Variants in COL14A1 observed in about 807,000 individuals in gnomAD.
COL14A1 encodes collagen alpha-1(XIV) chain.
In COL14A1, 136 loss-of-function variants were observed where a neutral mutation model predicts 230.3. That is an observed-to-expected ratio of 0.59 (90% CI 0.51 to 0.68). COL14A1 has a LOEUF of 0.68. COL14A1 is among the 30% of genes least tolerant of loss of function. COL14A1 has a pLI of 0.00. For synonymous variants in COL14A1, 792 were observed against 784.1 expected, an observed-to-expected ratio of 1.01 and a Z score of -0.17; for missense variants, 1,976 against 2,215.8, an observed-to-expected ratio of 0.89 and a Z score of 2.17.
chr8:120,126,049 G>A (rs533802643), intron 1 of COL14A1, among the ~76,000 whole-genome samples: 72 of 152,298 alleles, frequency 4.7e-4, no homozygotes, highest in African/African-American at 1.6e-3. Flanking sequence ...GAGAGGCACC[G>A]CCAGGTTGTA....
Position 120,280,721 on chromosome 8 carries a change from G to T in COL14A1, c.3657G>T (p.Val1219=). ...TGTTTGGTTTTCCAGCCTGTCCAGTGGTACACAAGGATGGCATTGATCTTG... is the reference window on the plus strand; with the variant it reads ...TGTTTGGTTTTCCAGCCTGTCCAGTTGTACACAAGGATGGCATTGATCTTG... ...VCETASATCP[V]VHKDGIDLAG... is the part of the protein sequence containing the mutation. Residue 1219 remains valine, a synonymous_variant, in exon 30 of 48, where the codon GTG becomes GTT. Transcript: ENST00000297848. 1 of 1,613,188 alleles carries T rather than the reference G, an allele frequency of 6.2e-7. No homozygotes were observed. The highest frequency in any genetic ancestry group is 8.5e-7 in the Non-Finnish European group (1 of 1,179,680).
intron 19 of COL14A1, among the ~76,000 whole-genome samples, chr8:120,239,963 A>C (rs1818564821): frequency 6.6e-6 from 1 of 152,170 alleles, no homozygotes; most frequent in South Asian, 2.1e-4. Flanking sequence ...TAAGCTATGC[A>C]AGGTAAAATA....
chr8:120,279,968 C>A lies in COL14A1; in HGVS notation c.3515C>A (p.Ala1172Glu). 1 of 1,613,716 alleles carries A rather than the reference C, an allele frequency of 6.2e-7. No homozygotes were observed. The highest frequency in any genetic ancestry group is 1.1e-5 in the South Asian group (1 of 91,064). The change falls in exon 29 of 48, where the codon GCA (alanine) becomes GAA (glutamate). Residue 1172 changes from alanine (A) to glutamate (E), a missense_variant. Physicochemically the swap from Ala to Glu is moderately radical, Grantham distance 107 (BLOSUM62 -1). Coordinates refer to ENST00000297848, the MANE Select transcript of COL14A1 (RefSeq NM_021110.4). ...YSIFAIGVAD[A>E]DYSELVSIGS... ...ATTTTTGCAATTGGTGTGGCCGATGCAGATTACTCGGAGTTGGTTAGCATT... is the reference window on the plus strand; with the variant it reads ...ATTTTTGCAATTGGTGTGGCCGATGAAGATTACTCGGAGTTGGTTAGCATT...
rs77970140 is a variant in COL14A1 at position 120,166,755 on chromosome 8, A to G, written c.350-1406A>G. ...GAGAGACACAAGGCAACCTTAGTAT[A>G]TGATTGTGTTTCGTGAATAGTAATA... is the stretch of plus-strand genomic sequence containing the variant. On this transcript the variant is annotated intron_variant, in intron 4 of 47. Coordinates refer to ENST00000297848, the MANE Select transcript of COL14A1 (RefSeq NM_021110.4). Among the ~76,000 whole-genome samples, 2,285 of 152,270 alleles carry G rather than the reference A, an allele frequency of 0.015. 157 individuals carry two copies. The South Asian group carries it at 0.18, about 12-fold the overall frequency.
At chr8:120,263,754 C>T (rs147079965) in intron 24 of COL14A1, among the ~76,000 whole-genome samples, 6 of 152,100 alleles carry the variant, frequency 3.9e-5, no homozygotes, top group Admixed American at 3.3e-4. Context: ...CTTGGTGACC[C>T]GTCTATCATG....
At chr8:120,130,643 A>C (rs1814497987) in intron 1 of COL14A1, among the ~76,000 whole-genome samples, 1 of 152,260 alleles carries the variant, frequency 6.6e-6, no homozygotes, top group African/African-American at 2.4e-5. Flanking sequence ...TAACTTGGAG[A>C]AAATTAAAAG....
intron 26 of COL14A1, among the ~76,000 whole-genome samples, chr8:120,273,361 A>T (rs1265533169): frequency 1.3e-5 from 2 of 151,788 alleles, no homozygotes; most frequent in African/African-American, 4.8e-5. Flanking sequence ...CAAATTGGCA[A>T]CCTAATGTCA....
chr8:120,147,967 C>A, intron 2 of COL14A1, 37 bp downstream of exon 2: 2 of 1,367,534 alleles, frequency 1.5e-6, no homozygotes, highest in Non-Finnish European at 2.1e-6. Context: ...GGGTCTGGGA[C>A]TCTAGCTTTC....
chr8:120,251,463 C>T (rs1218862939), intron 22 of COL14A1, among the ~76,000 whole-genome samples: 1 of 152,148 alleles, frequency 6.6e-6, no homozygotes, highest in Non-Finnish European at 1.5e-5. Flanking sequence ...CATGCCACCC[C>T]ATTCTCAGCA....
At chr8:120,168,767 G>A (rs1252796119) in intron 5 of COL14A1, among the ~76,000 whole-genome samples, 1 of 152,174 alleles carries the variant, frequency 6.6e-6, no homozygotes, top group Non-Finnish European at 1.5e-5. Flanking sequence ...ATTGAATAAT[G>A]TTAGGTATTA....
intron 33 of COL14A1, among the ~76,000 whole-genome samples, chr8:120,287,247 G>A (rs1162025052): frequency 6.6e-6 from 1 of 150,640 alleles, no homozygotes; most frequent in Non-Finnish European, 1.5e-5. Context: ...TTTTTTTCCT[G>A]TTTAATAGGA....
At chr8:120,280,518 T>C (rs991121988) in intron 29 of COL14A1, among the ~76,000 whole-genome samples, 193 bp from the exon 30 acceptor site, 33 of 152,182 alleles carry the variant, frequency 2.2e-4, no homozygotes, top group African/African-American at 7.7e-4. Flanking sequence ...TGTGGTCCTT[T>C]AGTTGTAATA....
rs180838949 is a variant in COL14A1 at position 120,320,667 on chromosome 8, G to C, written c.4659+4670G>C. ...TTGAGCATCTTCCTCCTTCTGAAGA[G>C]GATGTGTAAATACCATCACAAAACT... On this transcript the variant is annotated intron_variant, in intron 40 of 47. Transcript: ENST00000297848. Among the ~76,000 whole-genome samples, 8 of 152,294 alleles carry C rather than the reference G, an allele frequency of 5.3e-5. No individual in the cohort carries two copies. The East Asian group carries it at 1.3e-3, about 26-fold the overall frequency.
At chr8:120,183,684 G>T (rs1312743920) in intron 5 of COL14A1, among the ~76,000 whole-genome samples, 1 of 152,204 alleles carries the variant, frequency 6.6e-6, no homozygotes, top group African/African-American at 2.4e-5. Context: ...CTCTGAGCGA[G>T]TGCTGAAATG....
intron 5 of COL14A1, among the ~76,000 whole-genome samples, chr8:120,172,560 T>C (rs1449968390): frequency 1.3e-5 from 2 of 152,170 alleles, no homozygotes; most frequent in East Asian, 1.9e-4. Flanking sequence ...GTTCACAGCA[T>C]GTCTTAAGGG....
chr8:120,325,985 C>G (rs1821655304), intron 40 of COL14A1, among the ~76,000 whole-genome samples: 1 of 152,072 alleles, frequency 6.6e-6, no homozygotes, highest in African/African-American at 2.4e-5. Flanking sequence ...TAGAATTTGC[C>G]CATTAATTTA....
At chr8:120,197,985 A>T in intron 7 of COL14A1, 55 bp downstream of exon 7, 3 of 1,565,004 alleles carry the variant, frequency 1.9e-6, no homozygotes, top group Non-Finnish European at 2.6e-6. Flanking sequence ...GAATAATTGT[A>T]TTACCTCATT....
chr8:120,321,487 A>G (rs1821440892), intron 40 of COL14A1, among the ~76,000 whole-genome samples: 1 of 151,772 alleles, frequency 6.6e-6, no homozygotes, highest in South Asian at 2.1e-4. Context: ...AAAAATACGA[A>G]AAAAAAATAG....
chr8:120,283,597 G>C, intron 31 of COL14A1, 39 bp from the exon 32 acceptor site: 2 of 1,550,886 alleles, frequency 1.3e-6, no homozygotes, highest in Non-Finnish European at 1.7e-6. Flanking sequence ...CTTTTTTGAG[G>C]AAGGATACAA....
Sources: allele counts gnomAD v4.1 joint callset (sites outside exome capture counted in the v4.1 genomes callset), GRCh38; gene constraint gnomAD v4.1.1; transcripts MANE v1.5; gene names NCBI Gene and HGNC (gene_info 2026-07-23, HGNC 2026-07-21).